VNN2: variants seen among roughly 807,000 people sequenced by gnomAD.
VNN2 encodes the protein pantetheine hydrolase VNN2.
Under a neutral mutation model 43.0 loss-of-function variants are expected in VNN2, and 43 were observed. The ratio of observed to expected loss-of-function variants is 1.00; its 90% CI spans 0.78 to 1.29. The LOEUF (loss-of-function observed/expected upper bound fraction) is 1.29, where lower values mean the gene tolerates loss of function less well. Ranked by LOEUF, VNN2 falls within the 50% of genes most tolerant of loss-of-function variation. The pLI is 0.00. For missense variants in VNN2, 652 were observed against 619.7 expected, an observed-to-expected ratio of 1.05 and a Z score of -0.55; for synonymous variants, 230 against 224.3, an observed-to-expected ratio of 1.03 and a Z score of -0.23.
upstream of VNN2, among the ~76,000 whole-genome samples, chr6:132,760,240 T>G (rs1002226289): frequency 6.6e-6 from 1 of 152,186 alleles, no homozygotes; most frequent in Non-Finnish European, 1.5e-5. Context: ...AGTGGTATGA[T>G]CATGGCTCAC....
intron 3 of VNN2, chr6:132,752,950 T>A (rs1443711830): frequency 1.9e-6 from 1 of 529,272 alleles, no homozygotes; most frequent in East Asian, 3.2e-5. Context: ...GCATCTCTCA[T>A]CTCCTCTCTC....
At chr6:132,762,390 G>A (rs1780759206), upstream of VNN2, among the ~76,000 whole-genome samples, 2 of 152,150 alleles carry the variant, frequency 1.3e-5, no homozygotes, top group South Asian at 2.1e-4. Flanking sequence ...AGAATAAGAA[G>A]CAACAATAGG....
chr6:132,760,285 C>G (rs1780709633), upstream of VNN2, among the ~76,000 whole-genome samples: 1 of 152,124 alleles, frequency 6.6e-6, no homozygotes, highest in African/African-American at 2.4e-5. Flanking sequence ...AGTGATCCTT[C>G]CACCTCAGCC....
intron 1 of VNN2, among the ~76,000 whole-genome samples, chr6:132,763,015 C>A (rs1215965732): frequency 6.6e-6 from 1 of 152,094 alleles, no homozygotes; most frequent in African/African-American, 2.4e-5. Context: ...ATTAACCCTG[C>A]CAAAAGTTTC....
At chr6:132,758,139 G>A (rs1015263221), upstream of VNN2, 6 of 329,968 alleles carry the variant, frequency 1.8e-5, no homozygotes, top group Non-Finnish European at 2.7e-5. Context: ...CCACCTCCCA[G>A]GTTCAAGCGA....
In VNN2 at chr6:132,755,952, T is replaced by G; in HGVS notation, c.428A>C (p.Lys143Thr). 6.2e-7 allele frequency: 1 copy of G among 1,614,018 alleles called. No individual in the cohort carries two copies. Among genetic ancestry groups the G allele is most frequent in the Non-Finnish European group, 8.5e-7 (1 of 1,180,020 alleles). ...GGAGTCACGGGAATTACATGGCTTT[T>G]TGTCCCCCAAATTTGCCAAGACATA... ...SIYVLANLGD[K>T]KPCNSRDSTC... Residue 143 changes from lysine (K) to threonine (T), a missense_variant, in exon 3 of 7, where the codon AAA (lysine) becomes ACA (threonine). Coordinates refer to ENST00000326499, the MANE Select transcript of VNN2 (RefSeq NM_004665.6).
At chr6:132,756,732 C>A (rs1780501667) in intron 2 of VNN2, among the ~76,000 whole-genome samples, 1 of 152,166 alleles carries the variant, frequency 6.6e-6, no homozygotes, top group Admixed American at 6.5e-5. Context: ...AGCCTTATAC[C>A]TAAACTCTTC....
At chr6:132,759,681 T>C (rs1780693014), upstream of VNN2, among the ~76,000 whole-genome samples, 1 of 152,202 alleles carries the variant, frequency 6.6e-6, no homozygotes, top group Non-Finnish European at 1.5e-5. Flanking sequence ...AAATGTTTTG[T>C]TAAGAATGGG....
intron 3 of VNN2, among the ~76,000 whole-genome samples, chr6:132,755,263 G>A (rs1345046969): frequency 6.9e-6 from 1 of 143,930 alleles, no homozygotes; most frequent in Non-Finnish European, 1.5e-5. Flanking sequence ...TGTGCAAAAA[G>A]TTTATCTCAA....
chr6:132,753,725 G>A (rs545790209), intron 3 of VNN2: 2 of 212,142 alleles, frequency 9.4e-6, no homozygotes, highest in South Asian at 5.7e-5. Context: ...GCCAAGGCAG[G>A]CAGATAACTT....
At chr6:132,763,283 G>A (rs1021330936) in intron 1 of VNN2, 2 of 152,068 alleles carry the variant, frequency 1.3e-5, no homozygotes, top group African/African-American at 4.8e-5. Context: ...TGATCAATAT[G>A]AGAATGTCAC....
upstream of VNN2, among the ~76,000 whole-genome samples, chr6:132,762,108 AGGGTACCT>A (rs1562256910): frequency 6.6e-6 from 1 of 152,230 alleles, no homozygotes; most frequent in Non-Finnish European, 1.5e-5. Context: ...TGGGGTTGAC[AGGGTACCT>A]GGGCATCAAC....
upstream of VNN2, chr6:132,758,000 TTTCTTCTTCTTCTTC>T (rs60545394): frequency 9.7e-5 from 33 of 341,726 alleles, 1 homozygote; most frequent in South Asian, 5.8e-4. Flanking sequence ...TATCATCATT[TTTCTTCTTCTTCTTC>T]TTCTTCTTCT....
In VNN2 at chr6:132,757,700, C is replaced by A. The variant is rs1412944074; in HGVS notation, c.184G>T (p.Glu62Ter). The A allele has an allele frequency of 6.2e-7, 1 of 1,614,148 alleles. No homozygotes were observed. Among genetic ancestry groups the A allele is most frequent in the South Asian group, 1.1e-5 (1 of 91,076 alleles). Residue 62 changes from glutamate to a stop codon, truncating the protein, a stop_gained, in exon 1 of 7, where the codon GAG becomes TAG. Transcript: ENST00000326499. LOFTEE classifies it high-confidence loss of function. ...TCAGCTGCCTGCTTGATCGCTGTCT[C>A]CAGAATGTCTATATTCTCGTTCATG... The part of the protein sequence containing the change: ...NLMNENIDIL[E>*]TAIKQAAEQG...
In VNN2 at chr6:132,744,402, G is replaced by A. The variant is rs1185969364; in HGVS notation, c.1461C>T (p.Asp487=). 2.5e-6 allele frequency: 4 copies of A among 1,613,602 alleles called. No homozygotes were observed. Among genetic ancestry groups the A allele is most frequent in the Non-Finnish European group, 3.4e-6 (4 of 1,179,898 alleles). The change falls in exon 7 of 7, where the codon GAC becomes GAT. Residue 487 remains aspartate, a synonymous_variant. Transcript: ENST00000326499. ...VSLFGRWYTK[D]SLYSSCGTSN... is the part of the protein sequence containing the mutation. ...TGGTCCCACATGAGCTGTAAAGTGAGTCCTTTGTGTACCACCTCCCAAAGA... is the reference window on the plus strand; with the variant it reads ...TGGTCCCACATGAGCTGTAAAGTGAATCCTTTGTGTACCACCTCCCAAAGA...
chr6:132,762,811 G>C (rs1187902777), upstream of VNN2, among the ~76,000 whole-genome samples: 1 of 152,222 alleles, frequency 6.6e-6, no homozygotes, highest in East Asian at 1.9e-4. Context: ...AATCATCACT[G>C]TTTTTGACCT....
At chr6:132,759,742 G>A (rs1218544473), upstream of VNN2, among the ~76,000 whole-genome samples, 2 of 152,062 alleles carry the variant, frequency 1.3e-5, no homozygotes, top group Non-Finnish European at 2.9e-5. Flanking sequence ...TTGAATAGAA[G>A]TTTCTATTAA....
upstream of VNN2, chr6:132,758,039 C>CTTCTTCTTCTTTTTTT (rs1488070973): frequency 6.2e-6 from 1 of 160,500 alleles, no homozygotes; most frequent in Non-Finnish European, 1.0e-5. Context: ...TCTTCTTCTT[C>CTTCTTCTTCTTTTTTT]TTTTTTTTTT....
chr6:132,750,515 T>TATATATCTATATATATA (rs1359427541), intron 5 of VNN2, among the ~76,000 whole-genome samples: 1 of 97,376 alleles, frequency 1.0e-5, no homozygotes, highest in Non-Finnish European at 2.1e-5. Context: ...ATATATATAT[T>TATATATCTATATATATA]TTTCCAGGTG....
Sources: allele counts gnomAD v4.1 joint callset (sites outside exome capture counted in the v4.1 genomes callset), GRCh38; gene constraint gnomAD v4.1.1; transcripts MANE v1.5; gene names NCBI Gene and HGNC (gene_info 2026-07-23, HGNC 2026-07-21).